The following MAPRE3 variants were observed in gnomAD, a reference collection of about 807,000 sequenced individuals.
MAPRE3 encodes microtubule-associated protein RP/EB family member 3.
In MAPRE3, 2 loss-of-function variants were observed where a neutral mutation model predicts 30.5. The ratio of observed to expected loss-of-function variants is 0.07; its 90% CI spans 0.03 to 0.21. MAPRE3 has a LOEUF of 0.21. MAPRE3 is among the 10% of genes least tolerant of loss of function. MAPRE3 has a pLI of 1.00. For synonymous variants in MAPRE3, 110 were observed against 127.7 expected, an observed-to-expected ratio of 0.86 and a Z score of 0.93; for missense variants, 204 against 351.8, an observed-to-expected ratio of 0.58 and a Z score of 3.36.
chr2:27,019,129 G>A (rs1667056077), intron 1 of MAPRE3, among the ~76,000 whole-genome samples: 1 of 151,942 alleles, frequency 6.6e-6, no homozygotes, highest in South Asian at 2.1e-4. Context: ...CCTGGCTTAG[G>A]TGATCGGCAC....
intron 1 of MAPRE3, among the ~76,000 whole-genome samples, chr2:26,982,344 G>A (rs905949970): frequency 6.6e-6 from 1 of 152,260 alleles, no homozygotes; most frequent in Non-Finnish European, 1.5e-5. Context: ...ACTTAACTAG[G>A]TGGGAATATG....
In MAPRE3 at chr2:26,985,246, G is replaced by A. The variant is rs1293416337; in HGVS notation, c.-8+14444G>A. On this transcript the variant is annotated intron_variant, in intron 1 of 6. Transcript: ENST00000233121. This position sits in a 1 kb window ranked among gnomAD's most constrained non-coding sequence, Gnocchi z 4.2. ...AAACTCTTCTTCCCTTTTGGGGAAGGATGTTGGCCTTTCCTCAAGTCAGGC... is the reference window on the plus strand; with the variant it reads ...AAACTCTTCTTCCCTTTTGGGGAAGAATGTTGGCCTTTCCTCAAGTCAGGC... Among the ~76,000 whole-genome samples the A allele has an allele frequency of 6.6e-6, 1 of 152,206 alleles. No individual in the cohort carries two copies. Among genetic ancestry groups the A allele is most frequent in the East Asian group, 1.9e-4 (1 of 5,202 alleles).
chr2:27,022,295 A>T lies in MAPRE3; in HGVS notation c.77A>T (p.Asp26Val). Residue 26 changes from aspartate (D) to valine (V), a missense_variant, in exon 2 of 7, where the codon GAC becomes GTC. Transcript: ENST00000233121. ...SRHDMLAWVNDSLHLNYTKIE... is the reference protein window; with the variant it reads ...SRHDMLAWVNVSLHLNYTKIE... The stretch of plus-strand genomic sequence containing the variant: ...CATGATATGCTTGCATGGGTCAACG[A>T]CTCCCTGCACCTCAACTATACCAAG... 1.9e-6 allele frequency: 3 copies of T among 1,613,744 alleles called. No individual in the cohort carries two copies. The highest frequency in any genetic ancestry group is 2.5e-6 in the Non-Finnish European group (3 of 1,179,942).
At chr2:27,007,672 A>G (rs905733642) in intron 1 of MAPRE3, among the ~76,000 whole-genome samples, 4 of 152,212 alleles carry the variant, frequency 2.6e-5, no homozygotes, top group Admixed American at 1.3e-4. Context: ...AGGACTTGTG[A>G]AAAGTACAGA....
At chr2:26,993,757 C>G (rs373533319) in intron 1 of MAPRE3, among the ~76,000 whole-genome samples, 1 of 152,124 alleles carries the variant, frequency 6.6e-6, no homozygotes, top group Non-Finnish European at 1.5e-5. Context: ...CTTACCAACT[C>G]GATTTTTGCT....
chr2:26,976,386 AT>A (rs1325978993), intron 1 of MAPRE3, among the ~76,000 whole-genome samples: 1 of 152,222 alleles, frequency 6.6e-6, no homozygotes, highest in African/African-American at 2.4e-5. Context: ...AGGAGTTAGG[AT>A]GGGTTATGCT....
At chr2:26,997,975 T>C (rs1666503462) in intron 1 of MAPRE3, among the ~76,000 whole-genome samples, 1 of 152,220 alleles carries the variant, frequency 6.6e-6, no homozygotes, top group African/African-American at 2.4e-5. Flanking sequence ...TGTCATCAGC[T>C]TGAAGACCTG....
intron 1 of MAPRE3, among the ~76,000 whole-genome samples, chr2:26,999,070 G>T (rs544340742): frequency 6.6e-6 from 1 of 152,264 alleles, no homozygotes; most frequent in South Asian, 2.1e-4. Flanking sequence ...GTATTAGGGA[G>T]ACTGGCAGGA....
At chr2:26,979,455 A>G (rs1422967041) in intron 1 of MAPRE3, among the ~76,000 whole-genome samples, 1 of 152,194 alleles carries the variant, frequency 6.6e-6, no homozygotes, top group Admixed American at 6.5e-5. Context: ...GCATGGTGGC[A>G]TATACCTATA....
At chr2:27,019,370 G>GGA (rs1166372079) in intron 1 of MAPRE3, among the ~76,000 whole-genome samples, 1 of 142,392 alleles carries the variant, frequency 7.0e-6, no homozygotes, top group Non-Finnish European at 1.5e-5. Flanking sequence ...GATGGTGGGG[G>GGA]TATGGCAGGG....
At chr2:27,006,054 C>T (rs1418179422) in intron 1 of MAPRE3, among the ~76,000 whole-genome samples, 2 of 152,050 alleles carry the variant, frequency 1.3e-5, no homozygotes, top group East Asian at 1.9e-4. Flanking sequence ...CAGTGGCGGG[C>T]GCCTGTAGTC....
intron 1 of MAPRE3, among the ~76,000 whole-genome samples, chr2:27,010,090 C>T (rs926839101): frequency 5.9e-5 from 9 of 152,186 alleles, no homozygotes; most frequent in African/African-American, 2.2e-4. Flanking sequence ...TCTGCAATGT[C>T]CTTAGAAAGC....
intron 1 of MAPRE3, among the ~76,000 whole-genome samples, chr2:26,976,156 G>A (rs1390998292): frequency 1.3e-5 from 2 of 152,212 alleles, no homozygotes; most frequent in East Asian, 3.8e-4. Flanking sequence ...GTGTAGCTAA[G>A]TTCTAGGTCA....
At chr2:27,009,668 G>A (rs985939283) in intron 1 of MAPRE3, 8 of 152,114 alleles carry the variant, frequency 5.3e-5, no homozygotes, top group Admixed American at 4.6e-4. Flanking sequence ...TGTGGCTTTC[G>A]TCTGCCTTTT....
intron 1 of MAPRE3, among the ~76,000 whole-genome samples, chr2:26,996,196 G>A (rs182770920): frequency 2.0e-4 from 30 of 148,240 alleles, no homozygotes; most frequent in Non-Finnish European, 3.6e-4. Context: ...TCTGTTGCCC[G>A]GGCTGGAGTA....
At chr2:27,000,156 C>T (rs906876705) in intron 1 of MAPRE3, among the ~76,000 whole-genome samples, 7 of 152,228 alleles carry the variant, frequency 4.6e-5, no homozygotes, top group African/African-American at 1.2e-4. Flanking sequence ...AATAAATGTA[C>T]GGGTTTGTGT....
At chr2:27,013,392 C>A (rs1477752691) in intron 1 of MAPRE3, 1 of 152,246 alleles carries the variant, frequency 6.6e-6, no homozygotes, top group Admixed American at 6.5e-5. Flanking sequence ...CTTCGTGCTG[C>A]ATCTGTTTGC....
intron 5 of MAPRE3, 47 bp downstream of exon 5, chr2:27,025,784 C>T: frequency 6.2e-7 from 1 of 1,613,730 alleles, no homozygotes; most frequent in Non-Finnish European, 8.5e-7. Flanking sequence ...GTCACCAAAG[C>T]CAGGCCCTTG....
intron 1 of MAPRE3, among the ~76,000 whole-genome samples, chr2:26,980,175 T>TGATTTAACTAGATTTAAG (rs147871049): frequency 7.4e-4 from 112 of 152,340 alleles, no homozygotes; most frequent in Non-Finnish European, 1.3e-3. Flanking sequence ...TCAGTGCTGC[T>TGATTTAACTAGATTTAAG]GATTTAACTA....
Sources: gnomAD v4.1 joint callset for allele counts (sites outside exome capture counted in the v4.1 genomes callset) on GRCh38, gnomAD v4.1.1 for gene constraint, Gnocchi (gnomAD v3.1) non-coding constraint, MANE v1.5 for transcripts, NCBI Gene and HGNC (gene_info 2026-07-23, HGNC 2026-07-21) for gene names.